The following RCOR1 variants were observed in gnomAD, a reference collection of about 807,000 sequenced individuals.
The protein encoded by RCOR1 is REST corepressor.
In RCOR1, 12 loss-of-function variants were observed where a neutral mutation model predicts 64.0. The ratio of observed to expected loss-of-function variants is 0.19; its 90% confidence interval spans 0.12 to 0.30. The LOEUF (loss-of-function observed/expected upper bound fraction) is 0.30, where lower values mean the gene tolerates loss of function less well. Among genes scored for constraint, RCOR1 ranks in the 10% least tolerant of loss-of-function variants. RCOR1 has a pLI of 1.00. For missense variants in RCOR1, 502 were observed against 621.2 expected (o/e 0.81, Z 2.04); for synonymous variants, 279 against 227.2 (o/e 1.23, Z -2.05).
chr14:102,706,362 T>C (rs1176181577), intron 4 of RCOR1, among the ~76,000 whole-genome samples: 1 of 151,720 alleles, frequency 6.6e-6, no homozygotes, highest in Non-Finnish European at 1.5e-5. Flanking sequence ...AATTTTAAAG[T>C]GAAAGGGTGG....
At chr14:102,624,306 C>G (rs776290866) in intron 2 of RCOR1, among the ~76,000 whole-genome samples, 1 of 151,876 alleles carries the variant, frequency 6.6e-6, no homozygotes, top group Non-Finnish European at 1.5e-5. Context: ...GAGTTCAAGA[C>G]CAGCCTGGCC....
In RCOR1 at chr14:102,616,206, A is replaced by ATG. The variant is rs56991991; in HGVS notation, c.361+22923_361+22924dup. On this transcript the variant is annotated intron_variant, in intron 2 of 11. Coordinates refer to ENST00000262241, the MANE Select transcript of RCOR1 (RefSeq NM_015156.4). ...TTTATTACAAAAGATACATGTGTATATGTGTGTGTGTGTGTGTGTGTGTGT... is the reference window on the plus strand; with the variant it reads ...TTTATTACAAAAGATACATGTGTATATGTGTGTGTGTGTGTGTGTGTGTGTGT... 7.5e-3 allele frequency among the ~76,000 whole-genome samples: 1,113 copies of ATG among 149,198 alleles called. 7 individuals carry two copies. The highest frequency in any genetic ancestry group is 0.021 in the East Asian group (107 of 5,028).
At chr14:102,616,383 T>G (rs1307436792) in intron 2 of RCOR1, among the ~76,000 whole-genome samples, 1 of 151,978 alleles carries the variant, frequency 6.6e-6, no homozygotes, top group African/African-American at 2.4e-5. Context: ...TATCCTCCCA[T>G]CTCAGCCTCC....
intron 7 of RCOR1, among the ~76,000 whole-genome samples, chr14:102,713,223 A>C (rs949745123): frequency 8.7e-5 from 13 of 149,004 alleles, no homozygotes; most frequent in African/African-American, 3.2e-4. Flanking sequence ...TAAAGTGCTG[A>C]GATTACAGCC....
chr14:102,658,409 C>G, intron 2 of RCOR1: 1 of 491,334 alleles, frequency 2.0e-6, no homozygotes, highest in Non-Finnish European at 2.6e-6. Flanking sequence ...AGTGCTTGAA[C>G]TAGGGAGGTA....
intron 11 of RCOR1, among the ~76,000 whole-genome samples, chr14:102,723,108 C>A (rs1263149680): frequency 2.0e-5 from 3 of 152,198 alleles, no homozygotes; most frequent in African/African-American, 7.2e-5. Context: ...GAGCCTGGGG[C>A]TGGGCATAAG....
At chr14:102,593,576 G>A (rs527584578) in intron 2 of RCOR1, among the ~76,000 whole-genome samples, 79 of 152,364 alleles carry the variant, frequency 5.2e-4, no homozygotes, top group African/African-American at 1.9e-3. Flanking sequence ...GCGCCTCCGA[G>A]GACTGCGGGT....
intron 8 of RCOR1, among the ~76,000 whole-genome samples, chr14:102,719,151 C>T (rs924417187): frequency 1.3e-5 from 2 of 151,972 alleles, no homozygotes; most frequent in African/African-American, 4.8e-5. Context: ...GGTGCGATCT[C>T]GGCTCACTGC....
chr14:102,662,605 C>A, intron 2 of RCOR1: 1 of 447,694 alleles, frequency 2.2e-6, no homozygotes, highest in Non-Finnish European at 4.3e-6. Context: ...TTTTTTTTTC[C>A]GGCTGTGGAC....
intron 3 of RCOR1, among the ~76,000 whole-genome samples, chr14:102,690,093 G>A (rs961806630): frequency 3.9e-5 from 6 of 151,964 alleles, no homozygotes; most frequent in African/African-American, 1.5e-4. Context: ...AAAATTGCAT[G>A]TAACATGGTG....
chr14:102,614,268 A>G (rs1363603800), intron 2 of RCOR1, among the ~76,000 whole-genome samples: 3 of 135,910 alleles, frequency 2.2e-5, no homozygotes, highest in African/African-American at 8.5e-5. Flanking sequence ...TTTGTCACCT[A>G]GGCTGGAGTC....
chr14:102,592,804 C>A lies in RCOR1; in HGVS notation c.-83C>A. 6.8e-6 allele frequency: 8 copies of A among 1,177,416 alleles called. No individual in the cohort carries two copies. The highest frequency in any genetic ancestry group is 6.3e-6 in the Non-Finnish European group (6 of 953,090). 72.9% of individuals were successfully genotyped at this position (1,177,416 alleles called of 1,614,324 possible). ...CGCGCCCGCCCGGCCCCGCGCCGGC[C>A]CCGCGCCCCCTCCCCCGTCTCGGCG... On this transcript the variant is annotated 5_prime_UTR_variant, in exon 1 of 12. Coordinates refer to ENST00000262241, the MANE Select transcript of RCOR1 (RefSeq NM_015156.4).
At position 102,719,748 on chromosome 14, in the gene RCOR1, G is replaced by A. The variant is rs991245764; in HGVS notation, c.1054-1259G>A. ...TTACTCTCTCTGCTTCTTTTATAACGTTACTTAATCACAGTGCAATATATA... is the reference window on the plus strand; with the variant it reads ...TTACTCTCTCTGCTTCTTTTATAACATTACTTAATCACAGTGCAATATATA... On this transcript the variant is annotated intron_variant, in intron 8 of 11. Transcript: ENST00000262241. 3.3e-5 allele frequency among the ~76,000 whole-genome samples: 5 copies of A among 152,056 alleles called. No individual in the cohort carries two copies. The East Asian group carries it at 5.8e-4, about 18-fold the overall frequency.
chr14:102,713,685 CCTA>C (rs1896006433), intron 7 of RCOR1, among the ~76,000 whole-genome samples: 1 of 152,140 alleles, frequency 6.6e-6, no homozygotes, highest in African/African-American at 2.4e-5. Context: ...CAGTTTATTG[CCTA>C]CTAATATTTT....
intron 2 of RCOR1, among the ~76,000 whole-genome samples, chr14:102,611,969 T>A (rs912559414): frequency 2.0e-5 from 3 of 152,156 alleles, no homozygotes; most frequent in Non-Finnish European, 2.9e-5. Flanking sequence ...ATACCATGCC[T>A]GGTTATTTTT....
chr14:102,726,534 T>A lies in RCOR1; in HGVS notation c.*28T>A. ...AACTGGTGGCTTTGAACACTTGGTG[T>A]GGACTACTGTGTTATCCGGGATATC... is the stretch of plus-strand genomic sequence containing the variant. On this transcript the variant is annotated 3_prime_UTR_variant, in exon 12 of 12. Transcript: ENST00000262241. The A allele has an allele frequency of 5.7e-6, 9 of 1,580,894 alleles. No individual in the cohort carries two copies. Among genetic ancestry groups the A allele is most frequent in the Non-Finnish European group, 7.8e-6 (9 of 1,156,858 alleles).
At chr14:102,702,399 A>T (rs1322696320) in intron 4 of RCOR1, among the ~76,000 whole-genome samples, 2 of 151,766 alleles carry the variant, frequency 1.3e-5, no homozygotes, top group Admixed American at 6.6e-5. Context: ...GTATTGCTGG[A>T]TCTCATCTTA....
intron 5 of RCOR1, among the ~76,000 whole-genome samples, 195 bp downstream of exon 5, chr14:102,707,707 C>T (rs1375234231): frequency 6.6e-6 from 1 of 152,192 alleles, no homozygotes; most frequent in African/African-American, 2.4e-5. Context: ...ACTTCTAGCA[C>T]TTCCCATCCT....
At chr14:102,699,219 T>C (rs898622543) in intron 3 of RCOR1, among the ~76,000 whole-genome samples, 1 of 152,218 alleles carries the variant, frequency 6.6e-6, no homozygotes, top group African/African-American at 2.4e-5. Flanking sequence ...AGTTATACTT[T>C]TGTGACAAGC....
Sources: gnomAD v4.1 joint callset for allele counts (sites outside exome capture counted in the v4.1 genomes callset) on GRCh38, gnomAD v4.1.1 for gene constraint, MANE v1.5 for transcripts, NCBI Gene and HGNC (gene_info 2026-07-23, HGNC 2026-07-21) for gene names.